Variants in RANBP10 observed in about 807,000 individuals in gnomAD.
RANBP10 encodes RAN binding protein 10, also known as ran-binding protein 10.
Under a neutral mutation model 72.8 loss-of-function variants are expected in RANBP10, and 24 were observed. The ratio of observed to expected loss-of-function variants is 0.33; its 90% CI spans 0.24 to 0.46. The LOEUF is 0.46. RANBP10 is among the 20% of genes least tolerant of loss of function. The pLI is 1.00. For missense variants in RANBP10, 679 were observed against 817.5 expected (o/e 0.83, Z 2.07); for synonymous variants, 310 against 322.3 (o/e 0.96, Z 0.41).
intron 2 of RANBP10, among the ~76,000 whole-genome samples, chr16:67,785,658 G>A (rs1181123866): frequency 1.3e-5 from 2 of 149,562 alleles, no homozygotes; most frequent in African/African-American, 5.0e-5. Context: ...AACCCGGGAG[G>A]CAAAGGTTGC....
At chr16:67,746,004 A>T (rs2054068720) in intron 3 of RANBP10, among the ~76,000 whole-genome samples, 1 of 152,002 alleles carries the variant, frequency 6.6e-6, no homozygotes, top group Admixed American at 6.6e-5. Flanking sequence ...TAAAAATACA[A>T]AATTAGCCGG....
At chr16:67,735,079 GGCAGTGGGGTTCTAA>G in intron 5 of RANBP10, 37 bp from the exon 6 acceptor site, 1 of 1,541,068 alleles carries the variant, frequency 6.5e-7, no homozygotes, top group Non-Finnish European at 8.8e-7. Context: ...AGGCCCTGAG[GGCAGTGGGGTTCTAA>G]GGCCTCACCT....
At chr16:67,749,424 C>A (rs2054152186) in intron 3 of RANBP10, among the ~76,000 whole-genome samples, 1 of 152,222 alleles carries the variant, frequency 6.6e-6, no homozygotes, top group East Asian at 1.9e-4. Flanking sequence ...CATCTCCCCA[C>A]CGCCATCACC....
At chr16:67,774,483 A>G (rs1186453144) in intron 2 of RANBP10, among the ~76,000 whole-genome samples, 1 of 151,940 alleles carries the variant, frequency 6.6e-6, no homozygotes, top group East Asian at 1.9e-4. Context: ...AGCCCTCAAC[A>G]CCTTCCTACA....
chr16:67,765,221 A>C (rs967855762), intron 3 of RANBP10, among the ~76,000 whole-genome samples: 19 of 150,948 alleles, frequency 1.3e-4, no homozygotes, highest in Non-Finnish European at 2.5e-4. Context: ...AAAAAAAAAA[A>C]AAAAAAACAT....
chr16:67,786,910 G>A (rs1024685037), intron 2 of RANBP10, among the ~76,000 whole-genome samples: 1 of 151,574 alleles, frequency 6.6e-6, no homozygotes, highest in East Asian at 1.9e-4. Context: ...CTGGGGGATA[G>A]AGCTAGACTC....
At position 67,738,125 on chromosome 16, in the gene RANBP10, AGTT is replaced by A. The variant is rs1597836639; in HGVS notation, c.569-93_569-91del. The A allele has an allele frequency of 2.9e-6, 4 of 1,386,660 alleles. No homozygotes were observed. In the East Asian group the frequency reaches 1.1e-4, roughly 37 times the overall value. The allele number at this position is 1,386,660 out of a possible 1,614,324, so 85.9% of individuals were successfully genotyped here. ...GGTGGAGCCAGTGCTAGGGCCGGGTAGTTGTTTTTTTTGGTTTGTTGTTGTTGT... is the reference window on the plus strand; with the variant it reads ...GGTGGAGCCAGTGCTAGGGCCGGGTAGTTTTTTTTGGTTTGTTGTTGTTGT... On this transcript the variant is annotated intron_variant, in intron 4 of 13. Transcript: ENST00000317506.
chr16:67,770,879 C>T (rs2143012404), intron 3 of RANBP10, among the ~76,000 whole-genome samples: 1 of 152,256 alleles, frequency 6.6e-6, no homozygotes, highest in East Asian at 1.9e-4. Context: ...TTGAGCCAAC[C>T]AGAAGGTTGA....
intron 11 of RANBP10, 152 bp from the exon 12 acceptor site, chr16:67,728,048 G>A (rs943196412): frequency 7.3e-6 from 6 of 823,582 alleles, no homozygotes; most frequent in African/African-American, 3.4e-5. Context: ...CAGTCAAGGC[G>A]TTCTTCTCTT....
rs901321844 is a variant in RANBP10 at position 67,800,145 on chromosome 16, C to CA, written c.347+5282dup. Among the ~76,000 whole-genome samples the CA allele has an allele frequency of 8.5e-3, 1,202 of 141,280 alleles. 10 individuals are homozygous for CA. The highest frequency in any genetic ancestry group is 0.025 in the Admixed American group (352 of 14,180). The allele number at this position is 141,280 out of a possible 152,430, so 92.7% of individuals were successfully genotyped here. ...CAAAAACAACAACAACAACAACAAC[C>CA]AAAAAAAAAAAACAATGGGTACTGC... On this transcript the variant is annotated intron_variant, in intron 2 of 13. Transcript: ENST00000317506.
In RANBP10 at chr16:67,730,429, C is replaced by T. The variant is rs1046847980; in HGVS notation, c.890-383G>A. On this transcript the variant is annotated intron_variant, in intron 7 of 13. Transcript: ENST00000317506. This position sits in a 1 kb window ranked among gnomAD's most constrained non-coding sequence, Gnocchi z 4.3. ...CTTGGCGGCCTGAGTGGCTCCTCTT[C>T]AGACAGACTCCTCTCCTTCCAGGCC... is the stretch of plus-strand genomic sequence containing the variant. Among the ~76,000 whole-genome samples, 17 of 152,154 alleles carry T rather than the reference C, an allele frequency of 1.1e-4. No homozygotes were observed. The highest frequency in any genetic ancestry group is 3.3e-4 in the Admixed American group (5 of 15,286).
intron 3 of RANBP10, among the ~76,000 whole-genome samples, chr16:67,770,271 C>G (rs187932973): frequency 1.3e-5 from 2 of 152,022 alleles, no homozygotes; most frequent in Non-Finnish European, 2.9e-5. Flanking sequence ...GCTCATATAA[C>G]AAAGAACACA....
At chr16:67,775,489 ATC>A (rs916548744) in intron 2 of RANBP10, among the ~76,000 whole-genome samples, 3 of 152,012 alleles carry the variant, frequency 2.0e-5, no homozygotes, top group Non-Finnish European at 4.4e-5. Context: ...AAGGAAAACT[ATC>A]TCTGTTCACA....
intron 2 of RANBP10, among the ~76,000 whole-genome samples, chr16:67,802,189 T>C (rs564912552): frequency 6.6e-6 from 1 of 152,230 alleles, no homozygotes; most frequent in Non-Finnish European, 1.5e-5. Flanking sequence ...AAAACCCACC[T>C]GGCCCATACT....
At chr16:67,794,853 T>TA (rs965169692) in intron 2 of RANBP10, among the ~76,000 whole-genome samples, 39 of 124,738 alleles carry the variant, frequency 3.1e-4, no homozygotes, top group East Asian at 2.4e-4. Flanking sequence ...CTTTAACAGT[T>TA]AAAAAAAAAA....
Position 67,729,696 on chromosome 16 carries a change from G to A in RANBP10, c.1131C>T (p.Ser377=), listed in dbSNP as rs2143001228. The part of the protein sequence containing the change: ...SLSPRHGPSS[S]HMHNTGADSP... The stretch of plus-strand genomic sequence containing the variant: ...GTGGCTGACCTGTGTTGTGCATGTG[G>A]GAACTACTGGGGCCATGTCGGGGAC... The change falls in exon 9 of 14, where the codon TCC becomes TCT. Residue 377 remains serine, a synonymous_variant. Coordinates refer to ENST00000317506, the MANE Select transcript of RANBP10 (RefSeq NM_020850.3). This position sits in a 1 kb window ranked among gnomAD's most constrained non-coding sequence, Gnocchi z 7.1. 1.9e-6 allele frequency: 3 copies of A among 1,612,858 alleles called. No individual in the cohort carries two copies. In the East Asian group the frequency reaches 6.7e-5, roughly 36 times the overall value.
chr16:67,733,053 C>CAAAAAA (rs770521202), intron 6 of RANBP10, among the ~76,000 whole-genome samples: 2 of 43,792 alleles, frequency 4.6e-5, no homozygotes, highest in Non-Finnish European at 4.5e-5. Flanking sequence ...GACTCCATCT[C>CAAAAAA]AAAAAAAAAA....
Position 67,738,069 on chromosome 16 carries a change from C to G in RANBP10, c.569-34G>C, listed in dbSNP as rs748326284. ...GGAAAGGAACAGTCATCAGGGCCAG[C>G]CCCTGGGGCTACTCTGCCTCTGCAC... On this transcript the variant is annotated intron_variant, in intron 4 of 13. Coordinates refer to ENST00000317506, the MANE Select transcript of RANBP10 (RefSeq NM_020850.3). The G allele has an allele frequency of 4.5e-6, 7 of 1,569,508 alleles. No homozygotes were observed. The South Asian group carries it at 5.8e-5, about 13-fold the overall frequency.
At chr16:67,794,712 A>G (rs2055093910) in intron 2 of RANBP10, among the ~76,000 whole-genome samples, 1 of 150,756 alleles carries the variant, frequency 6.6e-6, no homozygotes, top group Non-Finnish European at 1.5e-5. Flanking sequence ...TTTAGTAGAG[A>G]CAGGGTTTCA....
Sources: gnomAD v4.1 joint callset for allele counts (sites outside exome capture counted in the v4.1 genomes callset) on GRCh38, gnomAD v4.1.1 for gene constraint, Gnocchi (gnomAD v3.1) non-coding constraint, MANE v1.5 for transcripts, NCBI Gene and HGNC (gene_info 2026-07-23, HGNC 2026-07-21) for gene names.